Variants in RXRA observed in about 807,000 individuals in gnomAD.
RXRA encodes the protein retinoic acid receptor RXR-alpha.
A neutral mutation model predicts 44.5 loss-of-function variants in RXRA; 5 were observed. That is an observed-to-expected ratio of 0.11 (90% CI 0.06 to 0.24). RXRA has a LOEUF of 0.24. RXRA is among the 10% of genes least tolerant of loss of function. The pLI, the probability that RXRA is intolerant of heterozygous loss-of-function variation, is 1.00. For synonymous variants in RXRA, 291 were observed against 271.4 expected, an observed-to-expected ratio of 1.07 and a Z score of -0.71; for missense variants, 412 against 646.5, an observed-to-expected ratio of 0.64 and a Z score of 3.93.
intron 1 of RXRA, among the ~76,000 whole-genome samples, chr9:134,340,699 C>T (rs1400218195): frequency 6.6e-6 from 1 of 152,218 alleles, no homozygotes; most frequent in Non-Finnish European, 1.5e-5. Flanking sequence ...AAGCCACATG[C>T]CGTCCAGGCT....
intron 1 of RXRA, among the ~76,000 whole-genome samples, chr9:134,345,054 C>T (rs1335145009): frequency 6.6e-6 from 1 of 152,198 alleles, no homozygotes; most frequent in Non-Finnish European, 1.5e-5. Flanking sequence ...AGTGCTCGAG[C>T]TGCAGTGTGG....
At chr9:134,428,332 T>C (rs1588307533) in intron 6 of RXRA, among the ~76,000 whole-genome samples, 2 of 70,016 alleles carry the variant, frequency 2.9e-5, no homozygotes, top group African/African-American at 5.8e-5. Context: ...GGGAACCCCC[T>C]GATGTTGAGG....
At chr9:134,381,917 T>C (rs1035467571) in intron 1 of RXRA, among the ~76,000 whole-genome samples, 1 of 152,112 alleles carries the variant, frequency 6.6e-6, no homozygotes, top group African/African-American at 2.4e-5. Context: ...TGGGGGCTGC[T>C]CAGGTGGTGA....
rs539024032 is a variant in RXRA, at chr9:134,366,053, A to T, written c.29-35579A>T. Among the ~76,000 whole-genome samples the T allele has an allele frequency of 4.6e-3, 691 of 151,838 alleles. 4 individuals carry two copies. The highest frequency in any genetic ancestry group is 0.015 in the African/African-American group (635 of 41,400). On this transcript the variant is annotated intron_variant, in intron 1 of 9. Transcript: ENST00000481739. The surrounding 1 kb of genome is among the most constrained non-coding windows in gnomAD (Gnocchi z 5.9). ...CTGCCTCCACCCCTCCCTTTTTGGG[A>T]GGTGGGGCTTGGCATCTTCAGCATC...
intron 1 of RXRA, among the ~76,000 whole-genome samples, chr9:134,389,303 G>T (rs1830766751): frequency 6.6e-6 from 1 of 152,194 alleles, no homozygotes; most frequent in Non-Finnish European, 1.5e-5. Context: ...CCCCCGGGGG[G>T]TTGCTCGTGG....
intron 1 of RXRA, among the ~76,000 whole-genome samples, chr9:134,380,325 G>T (rs2119099900): frequency 6.6e-6 from 1 of 152,258 alleles, no homozygotes. Context: ...CAGGGGTAGG[G>T]TGGGGTCCTG....
chr9:134,326,462 A>G lies in RXRA; in HGVS notation c.-170A>G, dbSNP rs1322188096. 2.2e-5 allele frequency: 3 copies of G among 135,202 alleles called. No homozygotes were observed. Among genetic ancestry groups the G allele is most frequent in the East Asian group, 5.1e-4 (2 of 3,954 alleles). 8.4% of individuals were successfully genotyped at this position (135,202 alleles called of 1,614,324 possible). ...CGGCGCGCAGACACAAGTAGTTTAC[A>G]TTGTTGGGCGACTTTTGCAACAACT... On this transcript the variant is annotated 5_prime_UTR_variant, in exon 1 of 10. Transcript: ENST00000481739.
chr9:134,333,065 G>C (rs555793754), intron 1 of RXRA, among the ~76,000 whole-genome samples: 177 of 152,284 alleles, frequency 1.2e-3, no homozygotes, highest in African/African-American at 4.0e-3. Context: ...GGGGCAGGCC[G>C]TCCAGGGGGA....
rs1006306520 is a variant in RXRA, at chr9:134,426,495, C to A, written c.911-2613C>A. 3 of 985,426 alleles carry A rather than the reference C, an allele frequency of 3.0e-6. No homozygotes were observed. Among genetic ancestry groups the A allele is most frequent in the Non-Finnish European group, 3.6e-6 (3 of 829,926 alleles). The allele number at this position is 985,426 out of a possible 1,614,324, so 61.0% of individuals were successfully genotyped here. A position where few individuals can be genotyped will look rare whatever the true frequency, so the allele number is the denominator to read the frequency against. ...GACAGGGGAGCTGAGATGCAGCCGG[C>A]GTGCCGGAGGGTGCAGAGAGAGACT... is the stretch of plus-strand genomic sequence containing the variant. On this transcript the variant is annotated intron_variant, in intron 6 of 9. Transcript: ENST00000481739. The surrounding 1 kb of genome is among the most constrained non-coding windows in gnomAD (Gnocchi z 4.6).
chr9:134,394,104 GAC>G (rs1830838591), intron 1 of RXRA, among the ~76,000 whole-genome samples: 1 of 96,280 alleles, frequency 1.0e-5, no homozygotes, highest in Non-Finnish European at 2.3e-5. Flanking sequence ...TAGTGATGGT[GAC>G]GGTGGTGGTG....
rs1055964963 is a variant in RXRA, at chr9:134,407,982, C to T, written c.280-167C>T. 6.6e-6 allele frequency among the ~76,000 whole-genome samples: 1 copy of T among 151,852 alleles called. No individual in the cohort carries two copies. The highest frequency in any genetic ancestry group is 1.5e-5 in the Non-Finnish European group (1 of 67,920). On this transcript the variant is annotated intron_variant, in intron 2 of 9. Transcript: ENST00000481739. The surrounding 1 kb of genome is among the most constrained non-coding windows in gnomAD (Gnocchi z 4.8). ...GCCTTGCTGAGCAAGCACAGTGGCC[C>T]CGCTGCTCCGGAGCAGCGTGGCGGG...
At chr9:134,429,320 C>CG in intron 7 of RXRA, 80 bp downstream of exon 7, 1 of 1,414,628 alleles carries the variant, frequency 7.1e-7, no homozygotes, top group Non-Finnish European at 9.8e-7. Context: ...ACCTTGGCCC[C>CG]GGTGCACATC....
At chr9:134,359,980 G>C (rs932340493) in intron 1 of RXRA, among the ~76,000 whole-genome samples, 1 of 152,232 alleles carries the variant, frequency 6.6e-6, no homozygotes, top group Non-Finnish European at 1.5e-5. Context: ...TTCTGGAGCC[G>C]CGGGGGTCCC....
chr9:134,419,686 C>A lies in RXRA; in HGVS notation c.781-1990C>A, dbSNP rs34704708. Among the ~76,000 whole-genome samples the A allele has an allele frequency of 9.4e-3, 1,428 of 152,370 alleles. 16 individuals carry two copies. The highest frequency in any genetic ancestry group is 0.032 in the African/African-American group (1,349 of 41,580). On this transcript the variant is annotated intron_variant, in intron 5 of 9. Transcript: ENST00000481739. ...AGAGCCCATCACACGCCTACTGTTA[C>A]ATGAGGCACGTTGGATCTCCAGGCG... is the stretch of plus-strand genomic sequence containing the variant.
chr9:134,401,674 G>A lies in RXRA; in HGVS notation c.71G>A (p.Gly24Glu), dbSNP rs1324669607. 6.2e-7 allele frequency: 1 copy of A among 1,613,010 alleles called. No individual in the cohort carries two copies. Residue 24 changes from glycine to glutamate, a missense_variant, in exon 2 of 10, where the codon GGG (glycine) becomes GAG (glutamate). Gly to Glu is a moderately conservative substitution (Grantham distance 98). This residue lies in a region of RXRA where 156 missense variants were observed against 177.2 expected (regional missense o/e 0.88). Coordinates refer to ENST00000481739, the MANE Select transcript of RXRA (RefSeq NM_002957.6). ...AACTCCTCCCTCACCTCCCCGACGG[G>A]GCGAGGCTCCATGGCTGCCCCCTCG... ...QVNSSLTSPTGRGSMAAPSLH... is the reference protein window; with the variant it reads ...QVNSSLTSPTERGSMAAPSLH...
intron 2 of RXRA, 59 bp downstream of exon 2, chr9:134,401,941 A>G: frequency 7.3e-7 from 1 of 1,368,184 alleles, no homozygotes; most frequent in Non-Finnish European, 9.9e-7. Flanking sequence ...CTGTGGCTTC[A>G]ACTGCAGGAC....
rs1831567710 is a variant in RXRA, at chr9:134,433,612, G to A, written c.1136-490G>A. On this transcript the variant is annotated intron_variant, in intron 8 of 9. Transcript: ENST00000481739. The surrounding 1 kb of genome is among the most constrained non-coding windows in gnomAD (Gnocchi z 4.2). ...CTCTCTGTCCACTCTAGGCTCTTGA[G>A]CCCGGGTCCTGAGCTCAGGACTCCG... Among the ~76,000 whole-genome samples the A allele has an allele frequency of 6.6e-6, 1 of 152,112 alleles. No homozygotes were observed. Among genetic ancestry groups the A allele is most frequent in the Admixed American group, 6.5e-5 (1 of 15,286 alleles).
At chr9:134,434,999 C>A (rs999448270) in intron 9 of RXRA, among the ~76,000 whole-genome samples, 5 of 152,160 alleles carry the variant, frequency 3.3e-5, no homozygotes, top group African/African-American at 1.2e-4. Context: ...GTGAAACTTC[C>A]CGGAGGACGA....
Position 134,408,199 on chromosome 9 carries a change from C to T in RXRA, c.330C>T (p.Pro110=), listed in dbSNP as rs201544640. The T allele has an allele frequency of 3.1e-6, 5 of 1,607,530 alleles. No individual in the cohort carries two copies. The highest frequency in any genetic ancestry group is 3.4e-6 in the Non-Finnish European group (4 of 1,176,808). ...PVSSSEDIKP[P]LGLNGVLKVP... is the part of the protein sequence containing the mutation. The stretch of plus-strand genomic sequence containing the variant: ...GCAGCAGCGAGGACATCAAGCCCCC[C>T]CTGGGCCTCAATGGCGTCCTCAAGG... Residue 110 remains proline, a synonymous_variant, in exon 3 of 10, where the codon CCC becomes CCT. Coordinates refer to ENST00000481739, the MANE Select transcript of RXRA (RefSeq NM_002957.6).
Sources: allele counts gnomAD v4.1 joint callset (sites outside exome capture counted in the v4.1 genomes callset), GRCh38; gene constraint gnomAD v4.1.1; regional missense constraint gnomAD v4.1.1; non-coding constraint Gnocchi (gnomAD v3.1); transcripts MANE v1.5; gene names NCBI Gene and HGNC (gene_info 2026-07-23, HGNC 2026-07-21).